The following RASA2 variants were observed in gnomAD, a reference collection of about 807,000 sequenced individuals.
The protein encoded by RASA2 is RAS p21 protein activator 2, also known as ras GTPase-activating protein 2.
Under a neutral mutation model 118.2 loss-of-function variants are expected in RASA2, and 155 were observed. The ratio of observed to expected loss-of-function variants is 1.31; its 90% CI spans 1.15 to 1.50. The LOEUF is 1.50. Ranked by LOEUF, RASA2 falls within the 40% of genes most tolerant of loss-of-function variation. The pLI is 0.00. For missense variants in RASA2, 1,016 were observed against 1,009.6 expected, an observed-to-expected ratio of 1.01 and a Z score of -0.09; for synonymous variants, 353 against 349.1, an observed-to-expected ratio of 1.01 and a Z score of -0.12.
intron 1 of RASA2, among the ~76,000 whole-genome samples, chr3:141,493,636 G>C (rs188289613): frequency 2.6e-5 from 4 of 152,278 alleles, no homozygotes; most frequent in Admixed American, 2.6e-4. Context: ...GGTTGGTATA[G>C]TTACAGTGAG....
At chr3:141,518,805 G>T (rs1163875202) in intron 3 of RASA2, among the ~76,000 whole-genome samples, 1 of 151,802 alleles carries the variant, frequency 6.6e-6, no homozygotes, top group African/African-American at 2.4e-5. Context: ...TAATAATTTG[G>T]TGTATTTCTT....
Position 141,574,066 on chromosome 3 carries a change from TAGTA to T in RASA2, c.1483+3_1483+6del. ...GGCAGATGGCTACTCAGAGATTTCC[TAGTA>T]AGTGCCTTGTTTTACTAAAACATGC... On this transcript the variant is annotated splice_donor_variant and splice_donor_region_variant and coding_sequence_variant and intron_variant, in exon 14 of 24. Transcript: ENST00000286364. LOFTEE classifies it high-confidence loss of function. The T allele has an allele frequency of 2.0e-6, 3 of 1,469,718 alleles. No individual in the cohort carries two copies. The highest frequency in any genetic ancestry group is 2.7e-6 in the Non-Finnish European group (3 of 1,101,568). The allele number at this position is 1,469,718 out of a possible 1,614,324, so 91.0% of individuals were successfully genotyped here. A position where few individuals can be genotyped will look rare whatever the true frequency, so the allele number is the denominator to read the frequency against.
At chr3:141,611,476 G>A (rs1430795223) in intron 23 of RASA2, among the ~76,000 whole-genome samples, 3 of 152,120 alleles carry the variant, frequency 2.0e-5, no homozygotes, top group African/African-American at 7.2e-5. Context: ...GGCGGGGATG[G>A]GTCTTGGGCC....
At chr3:141,607,198 A>T (rs1441850541) in intron 19 of RASA2, among the ~76,000 whole-genome samples, 2 of 152,108 alleles carry the variant, frequency 1.3e-5, no homozygotes, top group African/African-American at 4.8e-5. Flanking sequence ...ACAGTTTTTC[A>T]GTTTAGAAAT....
intron 3 of RASA2, among the ~76,000 whole-genome samples, chr3:141,521,935 T>G (rs1438931010): frequency 7.2e-6 from 1 of 138,798 alleles, no homozygotes; most frequent in Non-Finnish European, 1.7e-5. Context: ...AAGTTGAGTT[T>G]TCTTAATTTA....
At chr3:141,590,297 TGCTGTGC>T (rs2083269094) in intron 19 of RASA2, among the ~76,000 whole-genome samples, 1 of 152,224 alleles carries the variant, frequency 6.6e-6, no homozygotes, top group African/African-American at 2.4e-5. Flanking sequence ...TGCCTTGGAC[TGCTGTGC>T]TTTTTGTGTT....
At chr3:141,499,721 C>G (rs1048929791) in intron 1 of RASA2, among the ~76,000 whole-genome samples, 4 of 152,158 alleles carry the variant, frequency 2.6e-5, no homozygotes, top group Admixed American at 2.0e-4. Context: ...GCCTCAGCCT[C>G]CCGATTAGCT....
intron 5 of RASA2, among the ~76,000 whole-genome samples, chr3:141,545,705 C>G (rs1413493553): frequency 6.6e-6 from 1 of 151,982 alleles, no homozygotes; most frequent in Non-Finnish European, 1.5e-5. Flanking sequence ...CTCAGCCTCC[C>G]AAAGTGCTGG....
rs145766995 is a variant in RASA2 at position 141,541,082 on chromosome 3, T to C, written c.527+473T>C. Among the ~76,000 whole-genome samples the C allele has an allele frequency of 7.2e-5, 11 of 152,262 alleles. No individual in the cohort carries two copies. In the East Asian group the frequency reaches 1.9e-3, roughly 27 times the overall value. On this transcript the variant is annotated intron_variant, in intron 5 of 23. Transcript: ENST00000286364. Reference sequence around the variant, plus strand: ...CCAGACTCTAATCTCCTGGCTGTTCTGGAAATCTGTTGTAGCCCAATCCCC... The same window carrying C: ...CCAGACTCTAATCTCCTGGCTGTTCCGGAAATCTGTTGTAGCCCAATCCCC...
chr3:141,601,195 G>A lies in RASA2; in HGVS notation c.1934-6483G>A, dbSNP rs112731952. The stretch of plus-strand genomic sequence containing the variant: ...GTACCCTAGCACTTTGAGAGGCTGC[G>A]GCAGACAGATTGCCTGATCTCAAGA... On this transcript the variant is annotated intron_variant, in intron 19 of 23. Transcript: ENST00000286364. 6.4e-3 allele frequency among the ~76,000 whole-genome samples: 974 copies of A among 152,226 alleles called. 13 individuals are homozygous for A. Among genetic ancestry groups the A allele is most frequent in the African/African-American group, 0.022 (934 of 41,536 alleles).
chr3:141,553,600 G>A (rs183997817), intron 5 of RASA2, among the ~76,000 whole-genome samples: 109 of 152,160 alleles, frequency 7.2e-4, no homozygotes, highest in Admixed American at 2.4e-3. Context: ...CTCAGTCTGT[G>A]TTTGATAGTT....
At chr3:141,572,561 T>G (rs1353926788) in intron 11 of RASA2, 48 bp from the exon 12 acceptor site, 1 of 1,373,188 alleles carries the variant, frequency 7.3e-7, no homozygotes, top group African/African-American at 1.4e-5. Context: ...TATTATTGGT[T>G]TCAAAACCTT....
rs142505754 is a variant in RASA2, at chr3:141,505,477, G to T, written c.134-6686G>T. On this transcript the variant is annotated intron_variant, in intron 1 of 23. Coordinates refer to ENST00000286364, the MANE Select transcript of RASA2 (RefSeq NM_006506.5). ...AGCTCTTTGGAGAGAAAAACAGGTA[G>T]GGCATTTCATACAAAGAAAATAGCA... 1.5e-3 allele frequency among the ~76,000 whole-genome samples: 228 copies of T among 152,302 alleles called. 2 individuals are homozygous for T. The highest frequency in any genetic ancestry group is 0.013 in the South Asian group (63 of 4,832).
rs192625974 is a variant in RASA2, at chr3:141,523,861, G to C, written c.356-5847G>C. On this transcript the variant is annotated intron_variant, in intron 3 of 23. Transcript: ENST00000286364. Reference sequence around the variant, plus strand: ...TATCTATCTATGTGATCTTCATTGAGTCATTTTCTTAGGCCTGGTTCATCC... The same window carrying C: ...TATCTATCTATGTGATCTTCATTGACTCATTTTCTTAGGCCTGGTTCATCC... 1.6e-4 allele frequency among the ~76,000 whole-genome samples: 25 copies of C among 152,292 alleles called. 1 individual carries two copies. The highest frequency in any genetic ancestry group is 1.6e-3 in the Admixed American group (24 of 15,294).
intron 1 of RASA2, among the ~76,000 whole-genome samples, chr3:141,494,558 G>A (rs954492949): frequency 1.3e-5 from 2 of 152,010 alleles, no homozygotes; most frequent in Non-Finnish European, 2.9e-5. Context: ...TGGTAGAGAC[G>A]GGGTTTCACC....
Position 141,581,117 on chromosome 3 carries a change from A to G in RASA2, c.1692A>G (p.Thr564=). ...LSKSKSSFKE[T]FMCEFFKMFQ... is the part of the protein sequence containing the mutation. ...TTTCTTAGTCAAGTTTCAAAGAGAC[A>G]TTCATGTGTGAATTTTTCAAAATGT... Residue 564 remains threonine, a synonymous_variant, in exon 17 of 24, where the codon ACA becomes ACG. Coordinates refer to ENST00000286364, the MANE Select transcript of RASA2 (RefSeq NM_006506.5). The G allele has an allele frequency of 1.9e-6, 3 of 1,538,612 alleles. No individual in the cohort carries two copies. Among genetic ancestry groups the G allele is most frequent in the African/African-American group, 1.4e-5 (1 of 70,030 alleles).
At chr3:141,572,266 A>AT (rs1319124409) in intron 11 of RASA2, among the ~76,000 whole-genome samples, 4 of 151,544 alleles carry the variant, frequency 2.6e-5, no homozygotes, top group African/African-American at 9.7e-5. Context: ...TAATTTTTGT[A>AT]TTTTTGGTAG....
rs753189850 is a variant in RASA2, at chr3:141,608,605, C to T, written c.2133C>T (p.Leu711=). 6 of 1,613,860 alleles carry T rather than the reference C, an allele frequency of 3.7e-6. No individual in the cohort carries two copies. In the Admixed American group the frequency reaches 8.3e-5, roughly 22 times the overall value. ...TGAGCCGATGCAATCAAAACAGGCT[C>T]AGTTTTTATCATCCCTCTGTGTATC... The part of the protein sequence containing the change: ...CRVSRCNQNR[L]SFYHPSVYLN... Residue 711 remains leucine (L), a synonymous_variant, in exon 21 of 24, where the codon CTC becomes CTT. Coordinates refer to ENST00000286364, the MANE Select transcript of RASA2 (RefSeq NM_006506.5).
chr3:141,543,846 TTTTCTTTTTTCTTTCTTTC>T (rs1239713772), intron 5 of RASA2, among the ~76,000 whole-genome samples: 22 of 151,020 alleles, frequency 1.5e-4, no homozygotes, highest in African/African-American at 5.1e-4. Flanking sequence ...TTTAGATTTC[TTTTCTTTTTTCTTTCTTTC>T]TTTCTTTTTT....
Sources: gnomAD v4.1 joint callset for allele counts (sites outside exome capture counted in the v4.1 genomes callset) on GRCh38, gnomAD v4.1.1 for gene constraint, MANE v1.5 for transcripts, NCBI Gene and HGNC (gene_info 2026-07-23, HGNC 2026-07-21) for gene names.